DMD: variants seen among roughly 807,000 people sequenced by gnomAD.
DMD encodes the protein mutant dystrophin.
In DMD, 63 loss-of-function variants were observed where a neutral mutation model predicts 330.1. The observed-to-expected ratio is 0.19, with a 90% CI of 0.16 to 0.24. DMD has a LOEUF of 0.24. Among genes scored for constraint, DMD ranks in the 10% least tolerant of loss-of-function variants. The probability of loss-of-function intolerance (pLI) is 1.00; values close to 1 mark genes in which losing one functional copy is unlikely to be tolerated. For missense variants in DMD, 3,344 were observed against 2,684.1 expected (o/e 1.25, Z -5.43); for synonymous variants, 1,223 against 959.8 (o/e 1.27, Z -5.07).
intron 9 of DMD, among the ~76,000 whole-genome samples, chrX:32,657,991 T>G: frequency 9.0e-6 from 1 of 111,322 alleles, no homozygotes; most frequent in East Asian, 2.8e-4. Context: ...CAAAACAAAA[T>G]ACACATATCT....
chrX:31,491,741 T>C (rs1185714109), intron 57 of DMD, among the ~76,000 whole-genome samples: 1 of 111,552 alleles, frequency 9.0e-6, no homozygotes, highest in Non-Finnish European at 1.9e-5. Context: ...CTTGGAATTT[T>C]ACCTACAGAA....
chrX:32,555,000 A>G (rs1159622478), intron 16 of DMD, among the ~76,000 whole-genome samples: 2 of 108,821 alleles, frequency 1.8e-5, no homozygotes, highest in Non-Finnish European at 1.9e-5. Flanking sequence ...AGAGAGAAAG[A>G]AAGAAAAGCA....
At position 31,322,536 on chromosome X, in the gene DMD, C is replaced by T. The variant is rs72625575; in HGVS notation, c.9224+1062G>A. ...AAATGTAATAAGACAAATGGTAAAC[C>T]GTTTCCTAAAGTATGTATTTCTCCT... On this transcript the variant is annotated intron_variant, in intron 62 of 78. Transcript: ENST00000357033. Among the ~76,000 whole-genome samples the T allele has an allele frequency of 8.9e-3, 994 of 111,600 alleles. 10 individuals are homozygous for T. The East Asian group carries it at 0.093, about 10-fold the overall frequency.
intron 59 of DMD, among the ~76,000 whole-genome samples, chrX:31,455,243 C>T (rs999101620): frequency 1.8e-5 from 2 of 110,311 alleles, no homozygotes; most frequent in Admixed American, 9.8e-5. Flanking sequence ...GGTTGCCCTA[C>T]GTAAAGTGTC....
chrX:31,755,789 GA>G (rs1291705719), intron 51 of DMD, among the ~76,000 whole-genome samples: 1 of 111,478 alleles, frequency 9.0e-6, no homozygotes, highest in Non-Finnish European at 1.9e-5. Context: ...GGTCGTTAAA[GA>G]TCTTTAAAGA....
chrX:32,720,961 A>C (rs1012857602), intron 7 of DMD, among the ~76,000 whole-genome samples: 5 of 111,151 alleles, frequency 4.5e-5, no homozygotes, highest in African/African-American at 1.6e-4. Context: ...ATGTTAGATA[A>C]CGTAGCATAT....
intron 43 of DMD, among the ~76,000 whole-genome samples, chrX:32,251,155 G>A (rs931483176): frequency 3.6e-5 from 4 of 109,682 alleles, no homozygotes; most frequent in African/African-American, 1.0e-4. Flanking sequence ...AAACCTGCAC[G>A]TTCTGCACCT....
Position 32,644,815 on chromosome X carries a change from C to G in DMD, c.1149+149G>C. The stretch of plus-strand genomic sequence containing the variant: ...TCAATGGTTGCTCTCCAAAAGAAAA[C>G]TTCAAAATCTGACTGTTGGAATCCC... On this transcript the variant is annotated intron_variant, in intron 10 of 78. Transcript: ENST00000357033. 4.2e-6 allele frequency: 3 copies of G among 716,164 alleles called. No homozygotes were observed. The East Asian group carries it at 1.0e-4, about 25-fold the overall frequency. The allele number at this position is 716,164 out of a possible 1,213,427, so 59.0% of individuals were successfully genotyped here.
chrX:31,586,242 T>C (rs1250401748), intron 55 of DMD, among the ~76,000 whole-genome samples: 1 of 112,368 alleles, frequency 8.9e-6, no homozygotes, highest in Non-Finnish European at 1.9e-5. Context: ...ATTCAAGAGC[T>C]AAAGGAATCT....
Position 32,364,548 on chromosome X carries a change from A to G in DMD, c.5154+34T>C, listed in dbSNP as rs1322406442. 8 of 1,204,840 alleles carry G rather than the reference A, an allele frequency of 6.6e-6. No homozygotes were observed. The Admixed American group carries it at 1.5e-4, about 23-fold the overall frequency. On this transcript the variant is annotated intron_variant, in intron 36 of 78. Coordinates refer to ENST00000357033, the MANE Select transcript of DMD (RefSeq NM_004006.3). ...AGATGATTGAAGTAACTGGTGTACA[A>G]TTTGGACATTACTTTTCATATTTTA... is the stretch of plus-strand genomic sequence containing the variant.
intron 52 of DMD, among the ~76,000 whole-genome samples, chrX:31,695,537 T>C (rs1259830074): frequency 9.2e-6 from 1 of 108,275 alleles, no homozygotes; most frequent in Non-Finnish European, 1.9e-5. Flanking sequence ...ATGTACCCCG[T>C]AAATATATAT....
At chrX:32,706,175 A>C (rs1277756546) in intron 7 of DMD, among the ~76,000 whole-genome samples, 1 of 92,189 alleles carries the variant, frequency 1.1e-5, no homozygotes, top group African/African-American at 4.0e-5. Flanking sequence ...GAACTGAAAA[A>C]AGAGAACACT....
intron 2 of DMD, among the ~76,000 whole-genome samples, chrX:32,996,176 C>T (rs886574497): frequency 7.2e-5 from 8 of 111,027 alleles, no homozygotes; most frequent in Admixed American, 9.6e-5. Context: ...ATCATTTTGA[C>T]GATTAAATAA....
intron 54 of DMD, among the ~76,000 whole-genome samples, chrX:31,649,878 C>T (rs746423544): frequency 3.6e-5 from 4 of 111,088 alleles, no homozygotes; most frequent in East Asian, 5.7e-4. Flanking sequence ...AGGTACATTT[C>T]GCATAAGAGG....
intron 9 of DMD, among the ~76,000 whole-genome samples, chrX:32,693,926 T>G (rs2063464100): frequency 8.9e-6 from 1 of 111,747 alleles, no homozygotes; most frequent in African/African-American, 3.3e-5. Context: ...TGGGAAAGTT[T>G]TAAGAGTGAA....
intron 52 of DMD, among the ~76,000 whole-genome samples, chrX:31,681,144 T>G (rs1482509763): frequency 9.0e-6 from 1 of 111,703 alleles, no homozygotes; most frequent in Non-Finnish European, 1.9e-5. Context: ...CTACCCCAAT[T>G]AAAGATTAAA....
At chrX:33,204,209 T>C (rs1363139729) in intron 1 of DMD, among the ~76,000 whole-genome samples, 14 of 111,938 alleles carry the variant, frequency 1.3e-4, no homozygotes, top group African/African-American at 3.9e-4. Flanking sequence ...AGGCTGTCCA[T>C]TGATCTTAGT....
chrX:32,800,210 AC>A (rs1463542026), intron 7 of DMD, among the ~76,000 whole-genome samples: 2 of 111,856 alleles, frequency 1.8e-5, no homozygotes, highest in Non-Finnish European at 3.8e-5. Flanking sequence ...AAGCTACAGA[AC>A]CAATATCTGG....
chrX:31,814,714 A>G (rs918213601), intron 50 of DMD, among the ~76,000 whole-genome samples: 4 of 111,326 alleles, frequency 3.6e-5, no homozygotes, highest in Non-Finnish European at 5.6e-5. Flanking sequence ...GCTTGTGGAT[A>G]AGAAAGGATT....
Sources: allele counts gnomAD v4.1 joint callset (sites outside exome capture counted in the v4.1 genomes callset), GRCh38; gene constraint gnomAD v4.1.1; transcripts MANE v1.5; gene names NCBI Gene and HGNC (gene_info 2026-07-23, HGNC 2026-07-21).